Variants in STARD13 observed in about 807,000 individuals in gnomAD.
The protein encoded by STARD13 is StAR related lipid transfer domain containing 13, also known as stAR-related lipid transfer protein 13.
STARD13 carries 62 observed loss-of-function variants against 106.4 expected under a neutral mutation model. That is an observed-to-expected ratio of 0.58 (90% confidence interval 0.48 to 0.72). The LOEUF (loss-of-function observed/expected upper bound fraction) is 0.72. STARD13 is among the 30% of genes least tolerant of loss of function. STARD13 has a pLI of 0.00. For missense variants in STARD13, 1,387 were observed against 1,424.0 expected (o/e 0.97, Z 0.42); for synonymous variants, 565 against 553.0 (o/e 1.02, Z -0.31).
At chr13:33,111,688 G>T in intron 10 of STARD13, 90 bp downstream of exon 10, 1 of 809,190 alleles carries the variant, frequency 1.2e-6, no homozygotes, top group Non-Finnish European at 2.1e-6. Context: ...GGAACAAACA[G>T]ATAGAAACCA....
intron 1 of STARD13, chr13:33,333,744 T>C (rs1040128151): frequency 6.6e-6 from 1 of 152,182 alleles, no homozygotes; most frequent in African/African-American, 2.4e-5. Flanking sequence ...TTATGAAACA[T>C]GGGAAAGGCT....
chr13:33,631,233 T>C, the STARD13 span, among the ~76,000 whole-genome samples: 2 of 152,252 alleles, frequency 1.3e-5, no homozygotes, highest in African/African-American at 2.4e-5. Flanking sequence ...CATGTACTTT[T>C]AGTGATCTTC....
At chr13:33,333,142 C>A (rs1282132036) in intron 1 of STARD13, among the ~76,000 whole-genome samples, 1 of 152,160 alleles carries the variant, frequency 6.6e-6, no homozygotes, top group Non-Finnish European at 1.5e-5. Flanking sequence ...GTAATCCCAG[C>A]ACTTTGGGAG....
chr13:33,620,829 A>G, the STARD13 span, among the ~76,000 whole-genome samples: 1 of 151,194 alleles, frequency 6.6e-6, no homozygotes, highest in African/African-American at 2.4e-5. Flanking sequence ...AATTTAATAC[A>G]TAGAAATGCC....
chr13:33,186,020 C>A (rs1217867549), intron 1 of STARD13: 1 of 1,614,132 alleles, frequency 6.2e-7, no homozygotes. Context: ...AGGGTTCCAG[C>A]ATGGAGGTTC....
rs1201001583 is a variant in STARD13, at chr13:33,129,355, G to T, written c.1322C>A (p.Ala441Asp). 1 of 1,614,130 alleles carries T rather than the reference G, an allele frequency of 6.2e-7. No homozygotes were observed. Among genetic ancestry groups the T allele is most frequent in the Non-Finnish European group, 8.5e-7 (1 of 1,180,012 alleles). ...GGACGCCATGAGCCGGGGCTCCCTG[G>T]CACCAGGGACCTGCTCTCTGCCCAG... ...ISLGREQVPG[A>D]REPRLMASCH... Residue 441 changes from alanine to aspartate, a missense_variant, in exon 5 of 14, where the codon GCC becomes GAC. Transcript: ENST00000336934.
intron 1 of STARD13, among the ~76,000 whole-genome samples, chr13:33,269,178 A>G (rs992661992): frequency 3.9e-5 from 6 of 152,242 alleles, no homozygotes; most frequent in Non-Finnish European, 8.8e-5. Context: ...AGACTTTCAC[A>G]TGAGTATCAG....
chr13:33,523,608 A>C, the STARD13 span, among the ~76,000 whole-genome samples: 1 of 152,118 alleles, frequency 6.6e-6, no homozygotes, highest in South Asian at 2.1e-4. Context: ...AGTGAAAAAA[A>C]TTTAAAAGAT....
chr13:33,235,922 G>T (rs1889166409), intron 1 of STARD13, among the ~76,000 whole-genome samples: 1 of 152,238 alleles, frequency 6.6e-6, no homozygotes, highest in South Asian at 2.1e-4. Context: ...GTTGGTAAAT[G>T]AACATCAGGC....
At chr13:33,432,268 C>A in the STARD13 span, among the ~76,000 whole-genome samples, 1 of 152,036 alleles carries the variant, frequency 6.6e-6, no homozygotes, top group East Asian at 1.9e-4. Context: ...TCTTTCTTTT[C>A]TTCTTAGAGA....
chr13:33,220,572 G>A (rs1888301838), intron 1 of STARD13, among the ~76,000 whole-genome samples: 2 of 151,988 alleles, frequency 1.3e-5, no homozygotes, highest in African/African-American at 4.8e-5. Flanking sequence ...GGTGCCTGTA[G>A]TCCCAGCCAC....
the STARD13 span, among the ~76,000 whole-genome samples, chr13:33,370,619 C>CTTT: frequency 9.1e-5 from 12 of 131,608 alleles, no homozygotes; most frequent in East Asian, 2.1e-4. Context: ...TTCTTTCTTT[C>CTTT]TTTTTTTTTT....
At chr13:33,490,264 G>T in the STARD13 span, among the ~76,000 whole-genome samples, 1 of 152,182 alleles carries the variant, frequency 6.6e-6, no homozygotes, top group Non-Finnish European at 1.5e-5. Flanking sequence ...ATGGACAGGA[G>T]ACAGGGAAAT....
chr13:33,657,954 GT>G, the STARD13 span, among the ~76,000 whole-genome samples: 2 of 152,128 alleles, frequency 1.3e-5, no homozygotes, highest in African/African-American at 4.8e-5. Flanking sequence ...ATTTTTAAGT[GT>G]ACAGTTTAGT....
At chr13:33,281,763 C>T (rs1303165834) in intron 1 of STARD13, among the ~76,000 whole-genome samples, 1 of 152,090 alleles carries the variant, frequency 6.6e-6, no homozygotes, top group Non-Finnish European at 1.5e-5. Context: ...ATATGAGGTA[C>T]TTAAAGTAGT....
intron 1 of STARD13, among the ~76,000 whole-genome samples, chr13:33,177,390 C>A (rs1884626465): frequency 6.6e-6 from 1 of 152,096 alleles, no homozygotes; most frequent in African/African-American, 2.4e-5. Context: ...AAAACACAAA[C>A]CAAATCAGCC....
the STARD13 span, among the ~76,000 whole-genome samples, chr13:33,571,865 A>T: frequency 3.3e-5 from 5 of 152,134 alleles, no homozygotes. Flanking sequence ...GGGACTTAAG[A>T]GTGTGTGGGC....
At chr13:33,282,246 C>T (rs1412710994) in intron 1 of STARD13, among the ~76,000 whole-genome samples, 1 of 152,130 alleles carries the variant, frequency 6.6e-6, no homozygotes, top group East Asian at 1.9e-4. Context: ...CAAAACAACA[C>T]CCTCTTTTAA....
chr13:33,177,724 G>C (rs1255385835), intron 1 of STARD13, among the ~76,000 whole-genome samples: 1 of 144,110 alleles, frequency 6.9e-6, no homozygotes, highest in African/African-American at 2.6e-5. Context: ...AGGAAGGAGG[G>C]AGAAAGGGAG....
Sources: allele counts gnomAD v4.1 joint callset (sites outside exome capture counted in the v4.1 genomes callset), GRCh38; gene constraint gnomAD v4.1.1; transcripts MANE v1.5; gene names NCBI Gene and HGNC (gene_info 2026-07-23, HGNC 2026-07-21).